The following MTHFD2L variants were observed in gnomAD, a reference collection of about 807,000 sequenced individuals.
MTHFD2L encodes the protein bifunctional methylenetetrahydrofolate dehydrogenase/cyclohydrolase 2, mitochondrial.
MTHFD2L carries 29 observed loss-of-function variants against 34.9 expected under a neutral mutation model. The ratio of observed to expected loss-of-function variants is 0.83; its 90% confidence interval spans 0.62 to 1.13. MTHFD2L has a LOEUF of 1.13. MTHFD2L is among the 50% of genes most tolerant of loss of function. The probability of loss-of-function intolerance (pLI) is 0.00; values close to 1 mark genes in which losing one functional copy is unlikely to be tolerated. For missense variants in MTHFD2L, 481 were observed against 446.5 expected (o/e 1.08, Z -0.70); for synonymous variants, 167 against 155.7 (o/e 1.07, Z -0.54).
intron 5 of MTHFD2L, among the ~76,000 whole-genome samples, chr4:74,218,667 G>A (rs1737627777): frequency 6.6e-6 from 1 of 150,720 alleles, no homozygotes; most frequent in Non-Finnish European, 1.5e-5. Flanking sequence ...ACATTGTGCT[G>A]TTTGTTCTAG....
At position 74,298,259 on chromosome 4, in the gene MTHFD2L, A is replaced by G. The variant is rs1244505460; in HGVS notation, c.932-3438A>G. 4.6e-5 allele frequency among the ~76,000 whole-genome samples: 7 copies of G among 152,060 alleles called. 1 individual carries two copies. The highest frequency in any genetic ancestry group is 4.1e-4 in the South Asian group (2 of 4,834). On this transcript the variant is annotated intron_variant, in intron 7 of 7. Transcript: ENST00000325278. ...CCTCGTGAATAATTTTCAGATCTCT[A>G]TTGATGCTACTAAATGTTTATTAAT...
intron 3 of MTHFD2L, among the ~76,000 whole-genome samples, chr4:74,185,151 CAAAAAAA>C (rs1169021073): frequency 7.5e-4 from 12 of 15,980 alleles, no homozygotes; most frequent in South Asian, 3.5e-3. Flanking sequence ...GACTCCATCT[CAAAAAAA>C]AAAAAAAAAA....
intron 1 of MTHFD2L, among the ~76,000 whole-genome samples, chr4:74,126,459 TGAG>T (rs1295755372): frequency 5.3e-5 from 8 of 152,068 alleles, no homozygotes; most frequent in African/African-American, 1.9e-4. Flanking sequence ...CTTATCCTAG[TGAG>T]GAGTAAACAT....
rs1190254585 is a variant in MTHFD2L at position 74,266,778 on chromosome 4, A to C, written c.806-14647A>C. On this transcript the variant is annotated intron_variant, in intron 6 of 7. Coordinates refer to ENST00000325278, the MANE Select transcript of MTHFD2L (RefSeq NM_001144978.3). ...CTATCACTTTTCTGAGTCAATCAGC[A>C]CTGAATGCCTTAGCTGCTGCTAGAA... 5.9e-6 allele frequency: 5 copies of C among 849,144 alleles called. No homozygotes were observed. In the African/African-American group the frequency reaches 7.4e-5, roughly 12 times the overall value. The allele number at this position is 849,144 out of a possible 1,614,324, so 52.6% of individuals were successfully genotyped here.
At chr4:74,242,641 T>A (rs1741887174) in intron 6 of MTHFD2L, among the ~76,000 whole-genome samples, 1 of 152,226 alleles carries the variant, frequency 6.6e-6, no homozygotes, top group African/African-American at 2.4e-5. Flanking sequence ...ATATTGATTC[T>A]TTATTCTGTT....
intron 6 of MTHFD2L, among the ~76,000 whole-genome samples, chr4:74,227,690 C>T (rs966281139): frequency 4.6e-5 from 7 of 152,108 alleles, no homozygotes; most frequent in Non-Finnish European, 1.0e-4. Flanking sequence ...TCATGAAGGA[C>T]GTTGTCGGCC....
At chr4:74,137,657 C>T (rs1169532173) in intron 1 of MTHFD2L, among the ~76,000 whole-genome samples, 1 of 152,158 alleles carries the variant, frequency 6.6e-6, no homozygotes, top group Non-Finnish European at 1.5e-5. Context: ...TCTGCATTCC[C>T]ATGTTTACTG....
chr4:74,160,167 G>T (rs1454399586), intron 1 of MTHFD2L: 1 of 1,052,632 alleles, frequency 9.5e-7, no homozygotes, highest in Non-Finnish European at 1.3e-6. Context: ...TAGTTGTCTA[G>T]TTCTTCATAG....
At chr4:74,221,836 T>C (rs1472082984) in intron 5 of MTHFD2L, among the ~76,000 whole-genome samples, 1 of 151,706 alleles carries the variant, frequency 6.6e-6, no homozygotes, top group Non-Finnish European at 1.5e-5. Flanking sequence ...ATTAAAAAAA[T>C]ATTTAAGAAG....
chr4:74,187,800 TACACACACACAC>T (rs61173269), intron 3 of MTHFD2L, among the ~76,000 whole-genome samples: 112,136 of 144,314 alleles, frequency 0.78, 47,711 homozygotes, highest in Non-Finnish European at 0.94. Flanking sequence ...CCTGTGTATT[TACACACACACAC>T]ACACACACAC....
At chr4:74,178,528 A>G (rs1415014593) in intron 3 of MTHFD2L, among the ~76,000 whole-genome samples, 3 of 152,000 alleles carry the variant, frequency 2.0e-5, no homozygotes, top group Non-Finnish European at 4.4e-5. Context: ...ATTAAATACT[A>G]AATTGCCTGA....
At chr4:74,216,441 A>G (rs1181384611) in intron 5 of MTHFD2L, among the ~76,000 whole-genome samples, 1 of 151,896 alleles carries the variant, frequency 6.6e-6, no homozygotes, top group Admixed American at 6.5e-5. Context: ...GAAAAATCCC[A>G]GTGTGGTCAG....
At chr4:74,196,511 G>A (rs1027958011) in intron 3 of MTHFD2L, among the ~76,000 whole-genome samples, 1 of 152,214 alleles carries the variant, frequency 6.6e-6, no homozygotes, top group Non-Finnish European at 1.5e-5. Flanking sequence ...TCCAACAGAT[G>A]TGGGGGAAGT....
chr4:74,266,618 C>CGTGA (rs2110235457), intron 6 of MTHFD2L, among the ~76,000 whole-genome samples: 1 of 152,306 alleles, frequency 6.6e-6, no homozygotes, highest in African/African-American at 2.4e-5. Context: ...AGTCTAAGCT[C>CGTGA]TCACCACTTC....
chr4:74,281,537 T>G lies in MTHFD2L; in HGVS notation c.918T>G (p.Asp306Glu). Reference sequence around the variant, plus strand: ...CAGGAAAGACAAAATTAGTTGGAGATGTGGACTTCGAAGGTAATAAACCAA... The same window carrying G: ...CAGGAAAGACAAAATTAGTTGGAGAGGTGGACTTCGAAGGTAATAAACCAA... The part of the protein sequence containing the change: ...PVTGKTKLVG[D>E]VDFEAVKKKA... The change falls in exon 7 of 8, where the codon GAT (aspartate) becomes GAG (glutamate). Residue 306 changes from aspartate to glutamate, a missense_variant. Transcript: ENST00000325278. 3 of 1,612,150 alleles carry G rather than the reference T, an allele frequency of 1.9e-6. No homozygotes were observed. The highest frequency in any genetic ancestry group is 2.5e-6 in the Non-Finnish European group (3 of 1,178,920).
At chr4:74,280,206 G>A (rs1168536122) in intron 6 of MTHFD2L, 1 of 152,096 alleles carries the variant, frequency 6.6e-6, no homozygotes, top group South Asian at 2.1e-4. Flanking sequence ...CTCGTGATCT[G>A]AGTGGACTGT....
intron 3 of MTHFD2L, among the ~76,000 whole-genome samples, chr4:74,197,588 A>G (rs887948825): frequency 1.3e-5 from 2 of 152,128 alleles, no homozygotes; most frequent in Non-Finnish European, 2.9e-5. Context: ...AATGATTAAT[A>G]TTTATTATGA....
intron 6 of MTHFD2L, among the ~76,000 whole-genome samples, chr4:74,274,130 G>T (rs188427999): frequency 3.4e-4 from 52 of 152,078 alleles, no homozygotes; most frequent in African/African-American, 1.2e-3. Context: ...GGGATTACAG[G>T]CATAAGCCAC....
chr4:74,268,428 C>G (rs970748461), intron 6 of MTHFD2L, among the ~76,000 whole-genome samples: 1 of 151,796 alleles, frequency 6.6e-6, no homozygotes, highest in African/African-American at 2.4e-5. Context: ...TGGTTTTGTT[C>G]CCAGCCTTAC....
Sources: gnomAD v4.1 joint callset for allele counts (sites outside exome capture counted in the v4.1 genomes callset) on GRCh38, gnomAD v4.1.1 for gene constraint, MANE v1.5 for transcripts, NCBI Gene and HGNC (gene_info 2026-07-23, HGNC 2026-07-21) for gene names.